The following TP63 variants were observed in gnomAD, a reference collection of about 807,000 sequenced individuals.
TP63 encodes the protein tumor protein p63.
In TP63, 17 loss-of-function variants were observed where a neutral mutation model predicts 82.8. The observed-to-expected ratio is 0.21, with a 90% CI of 0.14 to 0.31. The LOEUF (loss-of-function observed/expected upper bound fraction) is 0.31, where lower values mean the gene tolerates loss of function less well. Among genes scored for constraint, TP63 ranks in the 10% least tolerant of loss-of-function variants. The pLI is 1.00. For missense variants in TP63, 648 were observed against 895.3 expected (o/e 0.72, Z 3.52); for synonymous variants, 330 against 321.7 (o/e 1.03, Z -0.28).
intron 1 of TP63, among the ~76,000 whole-genome samples, chr3:189,659,334 C>G (rs528283299): frequency 3.5e-4 from 53 of 152,132 alleles, no homozygotes; most frequent in African/African-American, 1.3e-3. Context: ...CTGCATAATT[C>G]ACTTAGGATA....
the TP63 span, among the ~76,000 whole-genome samples, chr3:189,598,496 A>G: frequency 4.6e-5 from 7 of 152,266 alleles, no homozygotes; most frequent in Non-Finnish European, 8.8e-5. Flanking sequence ...CTGAACTTCA[A>G]GCAGGCTAAA....
At chr3:189,625,705 A>T in the TP63 span, among the ~76,000 whole-genome samples, 32 of 152,258 alleles carry the variant, frequency 2.1e-4, no homozygotes, top group East Asian at 6.2e-3. Context: ...GGGAAAAAAA[A>T]ATCTGGGGAA....
At chr3:189,743,997 C>T (rs1721189104) in intron 3 of TP63, among the ~76,000 whole-genome samples, 1 of 152,120 alleles carries the variant, frequency 6.6e-6, no homozygotes, top group African/African-American at 2.4e-5. Flanking sequence ...ATCCCACAAA[C>T]CTCTAAGTCC....
chr3:189,771,204 G>C (rs1162466020), intron 3 of TP63, among the ~76,000 whole-genome samples: 1 of 148,378 alleles, frequency 6.7e-6, no homozygotes, highest in African/African-American at 2.5e-5. Flanking sequence ...AGCTCTCAAA[G>C]ATAACGTTTT....
chr3:189,636,307 A>T (rs1461816368), intron 1 of TP63, among the ~76,000 whole-genome samples: 1 of 152,124 alleles, frequency 6.6e-6, no homozygotes, highest in Non-Finnish European at 1.5e-5. Flanking sequence ...GTAGTAAGTA[A>T]ACTCCACCAC....
chr3:189,715,180 C>T (rs371392550), intron 1 of TP63, among the ~76,000 whole-genome samples: 1 of 152,028 alleles, frequency 6.6e-6, no homozygotes, highest in African/African-American at 2.4e-5. Context: ...CAGAAGAAAT[C>T]TTTGAGGCCC....
rs568972219 is a variant in TP63 at position 189,647,269 on chromosome 3, AT to A, written c.62+15696del. Reference sequence around the variant, plus strand: ...TTAAGACCTTAGGCTAACAGTGACTATTTTGTCATTCTAGGCTTTTCTTAAT... The same window carrying A: ...TTAAGACCTTAGGCTAACAGTGACTATTTGTCATTCTAGGCTTTTCTTAAT... On this transcript the variant is annotated intron_variant, in intron 1 of 13. Transcript: ENST00000264731. Among the ~76,000 whole-genome samples the A allele has an allele frequency of 1.7e-3, 247 of 147,014 alleles. 21 individuals carry two copies. Among genetic ancestry groups the A allele is most frequent in the Middle Eastern group, 0.01 (3 of 288 alleles).
intron 1 of TP63, among the ~76,000 whole-genome samples, chr3:189,670,243 C>G (rs1363208106): frequency 3.3e-5 from 5 of 151,982 alleles, no homozygotes; most frequent in African/African-American, 7.2e-5. Context: ...TTATTTTCAT[C>G]TTTTCACAGT....
chr3:189,801,971 C>T (rs993797865), intron 3 of TP63, among the ~76,000 whole-genome samples: 10 of 152,234 alleles, frequency 6.6e-5, no homozygotes, highest in Middle Eastern at 3.4e-3. Flanking sequence ...ATAAATTCTT[C>T]GGTTGGAAAG....
In TP63 at chr3:189,867,890, G is replaced by A; in HGVS notation, c.940G>A (p.Gly314Arg). Residue 314 changes from glycine (G) to arginine (R), a missense_variant, in exon 7 of 14, where the codon GGA (glycine) becomes AGA (arginine). This residue lies in a region of TP63 where 30 missense variants were observed against 85.4 expected (regional missense o/e 0.35). Coordinates refer to ENST00000264731, the MANE Select transcript of TP63 (RefSeq NM_003722.5). ...YNFMCNSSCV[G>R]GMNRRPILII... ...TTTCATGTGTAACAGCAGTTGTGTT[G>A]GAGGGATGAACCGCCGTCCAATTTT... is the stretch of plus-strand genomic sequence containing the variant. 1 of 1,614,092 alleles carries A rather than the reference G, an allele frequency of 6.2e-7. No individual in the cohort carries two copies. Among genetic ancestry groups the A allele is most frequent in the South Asian group, 1.1e-5 (1 of 91,084 alleles).
At chr3:189,791,268 G>T (rs1276988699) in intron 3 of TP63, among the ~76,000 whole-genome samples, 4 of 152,080 alleles carry the variant, frequency 2.6e-5, no homozygotes, top group Admixed American at 2.0e-4. Flanking sequence ...CTAGGATCTT[G>T]TAAGTCAAAT....
intron 3 of TP63, among the ~76,000 whole-genome samples, chr3:189,748,162 C>T (rs1453785215): frequency 6.6e-6 from 1 of 151,944 alleles, no homozygotes. Flanking sequence ...TTCTAGTTCT[C>T]CTATTTAACA....
intron 1 of TP63, among the ~76,000 whole-genome samples, chr3:189,718,242 T>C (rs1719109667): frequency 6.6e-6 from 1 of 151,952 alleles, no homozygotes; most frequent in African/African-American, 2.4e-5. Context: ...TTGGAAAGAA[T>C]TATTTAAAGG....
chr3:189,809,667 GC>G lies in TP63; in HGVS notation c.579+1142del, dbSNP rs542610422. Among the ~76,000 whole-genome samples, 9 of 152,262 alleles carry G rather than the reference GC, an allele frequency of 5.9e-5. No homozygotes were observed. In the East Asian group the frequency reaches 1.7e-3, roughly 29 times the overall value. On this transcript the variant is annotated intron_variant, in intron 4 of 13. Coordinates refer to ENST00000264731, the MANE Select transcript of TP63 (RefSeq NM_003722.5). ...TTTGACAAATGGATTTCTTTGGAAA[GC>G]ATTTCTATGTTTATGTTATATATAG... is the stretch of plus-strand genomic sequence containing the variant.
chr3:189,747,086 G>A (rs1721436991), intron 3 of TP63, among the ~76,000 whole-genome samples: 1 of 151,812 alleles, frequency 6.6e-6, no homozygotes, highest in African/African-American at 2.4e-5. Flanking sequence ...CAACAGCAGA[G>A]CACCCATGTA....
At chr3:189,758,840 A>G (rs1381316034) in intron 3 of TP63, among the ~76,000 whole-genome samples, 1 of 152,170 alleles carries the variant, frequency 6.6e-6, no homozygotes, top group Non-Finnish European at 1.5e-5. Context: ...CCCATTTGAA[A>G]CTAGACAAGG....
At chr3:189,613,158 G>A in the TP63 span, among the ~76,000 whole-genome samples, 10 of 152,194 alleles carry the variant, frequency 6.6e-5, no homozygotes, top group Non-Finnish European at 1.2e-4. Flanking sequence ...CATGTCAGAG[G>A]CCTTTATGGC....
At chr3:189,717,432 T>C (rs1339603001) in intron 1 of TP63, among the ~76,000 whole-genome samples, 1 of 152,224 alleles carries the variant, frequency 6.6e-6, no homozygotes, top group East Asian at 1.9e-4. Flanking sequence ...AATAATAATT[T>C]GCTTATTAGC....
At chr3:189,608,951 G>GT in the TP63 span, among the ~76,000 whole-genome samples, 82,110 of 151,784 alleles carry the variant, frequency 0.54, 23,637 homozygotes, top group East Asian at 0.9. Flanking sequence ...TAATGCATGG[G>GT]TACAAGTAGT....
Sources: gnomAD v4.1 joint callset for allele counts (sites outside exome capture counted in the v4.1 genomes callset) on GRCh38, gnomAD v4.1.1 for gene constraint, gnomAD v4.1.1 regional missense constraint, MANE v1.5 for transcripts, NCBI Gene and HGNC (gene_info 2026-07-23, HGNC 2026-07-21) for gene names.